BLTP3B: variants seen among roughly 807,000 people sequenced by gnomAD.
The protein encoded by BLTP3B is UHRF1 (ICBP90) binding protein 1-like.
the BLTP3B span, among the ~76,000 whole-genome samples, chr12:100,062,914 T>C: frequency 2.6e-5 from 4 of 151,728 alleles, no homozygotes; most frequent in Admixed American, 1.3e-4. Context: ...TGAGCCACGA[T>C]TGTGCCACAG....
chr12:100,095,667 C>T, the BLTP3B span: 2 of 1,603,756 alleles, frequency 1.2e-6, no homozygotes, highest in Non-Finnish European at 1.7e-6. Flanking sequence ...TATAGCTTAC[C>T]TGTGTAGGTT....
At chr12:100,084,440 C>G in the BLTP3B span, 1 of 1,566,712 alleles carries the variant, frequency 6.4e-7, no homozygotes, top group Non-Finnish European at 8.7e-7. Context: ...TGCAAACACT[C>G]TTAATATTAG....
the BLTP3B span, among the ~76,000 whole-genome samples, chr12:100,111,965 T>C: frequency 6.6e-6 from 1 of 151,770 alleles, no homozygotes; most frequent in Non-Finnish European, 1.5e-5. Context: ...TGATATCGAA[T>C]CCCTGGGGTC....
chr12:100,059,447 T>C, the BLTP3B span: 2 of 1,613,922 alleles, frequency 1.2e-6, no homozygotes, highest in South Asian at 2.2e-5. Context: ...GCCTTGTATT[T>C]GTGGCAATCA....
the BLTP3B span, chr12:100,098,325 T>G: frequency 1.9e-6 from 3 of 1,548,512 alleles, no homozygotes; most frequent in Non-Finnish European, 2.6e-6. Context: ...AAATGAAACA[T>G]TTAAAAAAGA....
At chr12:100,133,741 GA>G in the BLTP3B span, among the ~76,000 whole-genome samples, 1 of 152,112 alleles carries the variant, frequency 6.6e-6, no homozygotes, top group African/African-American at 2.4e-5. Flanking sequence ...CACCCAACAA[GA>G]ATCAGTATCC....
At chr12:100,070,219 A>G in the BLTP3B span, 2 of 1,545,460 alleles carry the variant, frequency 1.3e-6, no homozygotes, top group Non-Finnish European at 8.7e-7. Context: ...ACAAAACAAA[A>G]AACCACAAAA....
At chr12:100,061,373 G>A in the BLTP3B span, among the ~76,000 whole-genome samples, 4 of 152,104 alleles carry the variant, frequency 2.6e-5, no homozygotes, top group African/African-American at 7.2e-5. Context: ...AGATCTATAT[G>A]CAGGGCCGGC....
chr12:100,141,845 A>T, the BLTP3B span, among the ~76,000 whole-genome samples: 1 of 152,036 alleles, frequency 6.6e-6, no homozygotes, highest in African/African-American at 2.4e-5. Context: ...TGAAATGGAG[A>T]GAATGACATG....
the BLTP3B span, among the ~76,000 whole-genome samples, chr12:100,056,892 T>C: frequency 1.3e-5 from 2 of 152,106 alleles, no homozygotes; most frequent in African/African-American, 4.8e-5. Context: ...TATGTTTTTG[T>C]GTCTGCAGCA....
the BLTP3B span, among the ~76,000 whole-genome samples, chr12:100,104,268 G>A: frequency 6.9e-6 from 1 of 145,814 alleles, no homozygotes; most frequent in East Asian, 2.0e-4. Flanking sequence ...GCAGTGGCAC[G>A]ATATCGGCTC....
At chr12:100,108,693 G>A in the BLTP3B span, 3 of 631,002 alleles carry the variant, frequency 4.8e-6, no homozygotes, top group South Asian at 2.5e-5. Flanking sequence ...AAGAAAATGT[G>A]GTACATATAC....
chr12:100,059,975 A>G, the BLTP3B span: 1 of 1,613,160 alleles, frequency 6.2e-7, no homozygotes, highest in Non-Finnish European at 8.5e-7. Flanking sequence ...TGATTTAACC[A>G]TAGAATGCTT....
the BLTP3B span, chr12:100,103,970 T>C: frequency 6.3e-7 from 1 of 1,585,956 alleles, no homozygotes; most frequent in Non-Finnish European, 8.6e-7. Flanking sequence ...GAAAAATTTT[T>C]AATTTAAGAT....
chr12:100,119,253 G>A, the BLTP3B span, among the ~76,000 whole-genome samples: 3 of 152,030 alleles, frequency 2.0e-5, 1 homozygote, highest in Non-Finnish European at 4.4e-5. Context: ...GCAAGACCTA[G>A]AAACTGAAAA....
the BLTP3B span, chr12:100,058,699 T>C: frequency 6.2e-7 from 1 of 1,614,038 alleles, no homozygotes; most frequent in Admixed American, 1.7e-5. Context: ...AAAATTCCAA[T>C]ACAAATGGAT....
chr12:100,046,461 C>A, the BLTP3B span, among the ~76,000 whole-genome samples: 22 of 151,818 alleles, frequency 1.4e-4, no homozygotes, highest in African/African-American at 4.8e-4. Flanking sequence ...TCATTCTGAG[C>A]AAACTACCGC....
At chr12:100,051,307 T>C in the BLTP3B span, 1 of 1,236,756 alleles carries the variant, frequency 8.1e-7, no homozygotes, top group East Asian at 2.6e-5. Flanking sequence ...AAAAATGGAC[T>C]ATCCCTTCAA....
At chr12:100,125,822 T>A in the BLTP3B span, among the ~76,000 whole-genome samples, 1 of 152,234 alleles carries the variant, frequency 6.6e-6, no homozygotes, top group Admixed American at 6.5e-5. Context: ...AACTTCACAT[T>A]TTATTATTAG....
Sources: allele counts gnomAD v4.1 joint callset (sites outside exome capture counted in the v4.1 genomes callset), GRCh38; gene constraint gnomAD v4.1.1; transcripts MANE v1.5; gene names NCBI Gene and HGNC (gene_info 2026-07-23, HGNC 2026-07-21).